The following SUGCT variants were observed in gnomAD, a reference collection of about 807,000 sequenced individuals.
SUGCT encodes the protein succinyl-CoA:glutarate-CoA transferase.
Under a neutral mutation model 55.0 loss-of-function variants are expected in SUGCT, and 41 were observed. The observed-to-expected ratio is 0.74, with a 90% CI of 0.58 to 0.97. The LOEUF (loss-of-function observed/expected upper bound fraction) is 0.97. Among genes scored for constraint, SUGCT ranks in the 50% least tolerant of loss-of-function variants. The pLI, the probability that SUGCT is intolerant of heterozygous loss-of-function variation, is 0.00. For synonymous variants in SUGCT, 187 were observed against 200.4 expected (o/e 0.93, Z 0.56); for missense variants, 568 against 547.8 (o/e 1.04, Z -0.37).
At chr7:40,699,295 A>G (rs1233593789) in intron 12 of SUGCT, among the ~76,000 whole-genome samples, 1 of 152,090 alleles carries the variant, frequency 6.6e-6, no homozygotes, top group Non-Finnish European at 1.5e-5. Flanking sequence ...TGCAGCTCAC[A>G]GTATGTTGAA....
chr7:40,237,536 G>T, intron 6 of SUGCT, 99 bp from the exon 7 acceptor site: 1 of 921,708 alleles, frequency 1.1e-6, no homozygotes, highest in Non-Finnish European at 1.8e-6. Context: ...TCGAAATGCT[G>T]CAGGATTTCT....
chr7:40,187,850 T>C (rs1036577743), intron 3 of SUGCT, among the ~76,000 whole-genome samples: 3 of 152,092 alleles, frequency 2.0e-5, no homozygotes, highest in African/African-American at 4.8e-5. Flanking sequence ...GGAGATGTCA[T>C]TGGTTTATCT....
intron 9 of SUGCT, among the ~76,000 whole-genome samples, chr7:40,356,558 A>G (rs1022137222): frequency 5.3e-5 from 8 of 152,204 alleles, no homozygotes; most frequent in African/African-American, 1.9e-4. Flanking sequence ...AGAGCAAAAC[A>G]TATTTTCTGA....
chr7:40,679,499 A>G (rs2151883580), intron 12 of SUGCT, among the ~76,000 whole-genome samples: 1 of 152,288 alleles, frequency 6.6e-6, no homozygotes, highest in Admixed American at 6.5e-5. Flanking sequence ...GCATCCTACC[A>G]GAAACAACTC....
intron 12 of SUGCT, among the ~76,000 whole-genome samples, chr7:40,659,984 A>T (rs1057066941): frequency 1.3e-5 from 2 of 152,118 alleles, no homozygotes; most frequent in African/African-American, 2.4e-5. Context: ...CATCTAAGTA[A>T]TTTTTTTGAA....
At chr7:40,371,945 AACAC>A (rs137960410) in intron 9 of SUGCT, among the ~76,000 whole-genome samples, 13,880 of 147,704 alleles carry the variant, frequency 0.094, 1,047 homozygotes, top group East Asian at 0.44. Context: ...ATACATCTCG[AACAC>A]ACACACACAC....
the SUGCT span, among the ~76,000 whole-genome samples, chr7:41,032,578 A>T: frequency 6.6e-6 from 1 of 152,228 alleles, no homozygotes; most frequent in Non-Finnish European, 1.5e-5. Context: ...AAGAGCCTTG[A>T]ACCTTAAAAA....
intron 12 of SUGCT, among the ~76,000 whole-genome samples, chr7:40,654,392 T>C (rs925748652): frequency 2.6e-5 from 4 of 152,200 alleles, no homozygotes; most frequent in African/African-American, 9.7e-5. Flanking sequence ...CGTTATTACA[T>C]TTTGATGTGC....
intron 3 of SUGCT, among the ~76,000 whole-genome samples, chr7:40,186,092 T>TTCCTTCCTTCCTTCCTTCCC (rs1335249068): frequency 2.8e-5 from 4 of 142,068 alleles, no homozygotes; most frequent in African/African-American, 1.0e-4. Context: ...TCTCTTTTTC[T>TTCCTTCCTTCCTTCCTTCCC]TCCTTCCTTC....
intron 12 of SUGCT, among the ~76,000 whole-genome samples, chr7:40,588,502 G>T (rs867787640): frequency 6.6e-6 from 1 of 152,072 alleles, no homozygotes. Context: ...AATTGAAGAG[G>T]TGACATACAG....
intron 9 of SUGCT, among the ~76,000 whole-genome samples, chr7:40,437,643 G>A (rs1326632458): frequency 6.6e-6 from 1 of 152,108 alleles, no homozygotes; most frequent in Non-Finnish European, 1.5e-5. Context: ...CAGTTCCAGT[G>A]CCATAAGGTG....
chr7:41,008,917 C>T, the SUGCT span, among the ~76,000 whole-genome samples: 9 of 152,078 alleles, frequency 5.9e-5, no homozygotes, highest in Middle Eastern at 3.4e-3. Flanking sequence ...TGTCTGGTCC[C>T]GATGCATGGT....
chr7:40,921,699 C>T, the SUGCT span, among the ~76,000 whole-genome samples: 3 of 152,214 alleles, frequency 2.0e-5, no homozygotes, highest in Non-Finnish European at 4.4e-5. Flanking sequence ...TTGTCTGCTT[C>T]CAAAGCTACC....
At chr7:40,436,097 C>A (rs972919260) in intron 9 of SUGCT, among the ~76,000 whole-genome samples, 4 of 151,902 alleles carry the variant, frequency 2.6e-5, no homozygotes, top group Non-Finnish European at 4.4e-5. Flanking sequence ...TGCGCGCCAC[C>A]ACCCCCAGCT....
At chr7:40,523,135 TG>T (rs1793631205) in intron 12 of SUGCT, among the ~76,000 whole-genome samples, 2 of 152,040 alleles carry the variant, frequency 1.3e-5, no homozygotes, top group Admixed American at 1.3e-4. Flanking sequence ...TAGGGAAAAG[TG>T]GTAAGTCCCT....
At chr7:40,253,489 G>C (rs559019292) in intron 7 of SUGCT, among the ~76,000 whole-genome samples, 3 of 152,166 alleles carry the variant, frequency 2.0e-5, no homozygotes, top group Admixed American at 6.5e-5. Flanking sequence ...TGGCTGTACT[G>C]TACCCCCCAA....
chr7:40,532,194 A>G (rs1338508109), intron 12 of SUGCT, among the ~76,000 whole-genome samples: 1 of 152,220 alleles, frequency 6.6e-6, no homozygotes, highest in Non-Finnish European at 1.5e-5. Flanking sequence ...TCCAATGCTC[A>G]TGAATGATTT....
intron 11 of SUGCT, among the ~76,000 whole-genome samples, chr7:40,478,298 G>A (rs1234792792): frequency 2.0e-5 from 3 of 152,146 alleles, no homozygotes; most frequent in African/African-American, 2.4e-5. Context: ...GAGCCACCAT[G>A]TCTGGCCTCC....
chr7:41,013,039 T>C, the SUGCT span, among the ~76,000 whole-genome samples: 1 of 144,398 alleles, frequency 6.9e-6, no homozygotes, highest in African/African-American at 2.8e-5. Context: ...TATATATATA[T>C]ATATGTATTT....
Sources: allele counts gnomAD v4.1 joint callset (sites outside exome capture counted in the v4.1 genomes callset), GRCh38; gene constraint gnomAD v4.1.1; transcripts MANE v1.5; gene names NCBI Gene and HGNC (gene_info 2026-07-23, HGNC 2026-07-21).